Variants in CDH13 observed in about 807,000 individuals in gnomAD.
The protein encoded by CDH13 is cadherin-13.
CDH13 carries 24 observed loss-of-function variants against 63.8 expected under a neutral mutation model. The ratio of observed to expected loss-of-function variants is 0.38; its 90% CI spans 0.27 to 0.53. The LOEUF (loss-of-function observed/expected upper bound fraction) is 0.53, where lower values mean the gene tolerates loss of function less well. Among genes scored for constraint, CDH13 ranks in the 20% least tolerant of loss-of-function variants. The pLI, the probability that CDH13 is intolerant of heterozygous loss-of-function variation, is 0.85. For synonymous variants in CDH13, 503 were observed against 355.3 expected, an observed-to-expected ratio of 1.42 and a Z score of -4.67; for missense variants, 1,049 against 903.1, an observed-to-expected ratio of 1.16 and a Z score of -2.07.
At chr16:83,467,657 A>G (rs114867578) in intron 6 of CDH13, among the ~76,000 whole-genome samples, 3,843 of 152,028 alleles carry the variant, frequency 0.025, 168 homozygotes, top group African/African-American at 0.087. Flanking sequence ...TCATATTTGG[A>G]CCCAATGCTG....
intron 6 of CDH13, among the ~76,000 whole-genome samples, chr16:83,376,395 G>T (rs1033734884): frequency 6.6e-6 from 1 of 152,146 alleles, no homozygotes; most frequent in African/African-American, 2.4e-5. Flanking sequence ...TGAAAGAATG[G>T]TGGTCGCTTA....
chr16:83,208,445 A>G (rs2039243430), intron 4 of CDH13, among the ~76,000 whole-genome samples: 1 of 152,154 alleles, frequency 6.6e-6, no homozygotes, highest in African/African-American at 2.4e-5. Context: ...AATGCCTCTG[A>G]ACAGCTATAG....
At chr16:83,254,983 CTTTCTTTCTTTCTTTCTTTCTT>C (rs1337844503) in intron 5 of CDH13, among the ~76,000 whole-genome samples, 26 of 18,696 alleles carry the variant, frequency 1.4e-3, no homozygotes, top group South Asian at 0.013. Context: ...TTCTTTCTTT[CTTTCTTTCTTTCTTTCTTTCTT>C]TCTTTCTTTT....
intron 7 of CDH13, among the ~76,000 whole-genome samples, chr16:83,510,195 G>A (rs1000283622): frequency 2.6e-5 from 4 of 152,114 alleles, no homozygotes; most frequent in South Asian, 2.1e-4. Flanking sequence ...TATTATTTTC[G>A]AGTGGATAAA....
At chr16:83,336,597 C>G (rs1011112211) in intron 5 of CDH13, among the ~76,000 whole-genome samples, 4 of 152,152 alleles carry the variant, frequency 2.6e-5, no homozygotes, top group African/African-American at 7.2e-5. Flanking sequence ...ATCTGAAAAT[C>G]CTGTGCACAC....
At chr16:83,659,601 TG>T (rs1369428544) in intron 8 of CDH13, among the ~76,000 whole-genome samples, 8 of 152,236 alleles carry the variant, frequency 5.3e-5, no homozygotes, top group Admixed American at 5.2e-4. Flanking sequence ...GAACGATCTC[TG>T]AAAGCAGGAC....
At chr16:82,705,034 A>G (rs933989629) in intron 1 of CDH13, 46 of 416,606 alleles carry the variant, frequency 1.1e-4, no homozygotes, top group African/African-American at 9.4e-4. Context: ...ACGGGAAAAT[A>G]AACGGTTTCT....
intron 6 of CDH13, among the ~76,000 whole-genome samples, chr16:83,474,217 G>T (rs1598103220): frequency 6.6e-6 from 1 of 152,130 alleles, no homozygotes; most frequent in Admixed American, 6.5e-5. Context: ...TACTGCAAAG[G>T]TCTCCTCCTC....
chr16:83,677,411 G>T (rs1915047515), intron 9 of CDH13, among the ~76,000 whole-genome samples: 1 of 152,134 alleles, frequency 6.6e-6, no homozygotes, highest in African/African-American at 2.4e-5. Flanking sequence ...GACTGTCCTG[G>T]GCATGGCCTT....
intron 6 of CDH13, among the ~76,000 whole-genome samples, chr16:83,406,253 A>G (rs556163730): frequency 2.0e-5 from 3 of 152,124 alleles, no homozygotes; most frequent in Admixed American, 6.6e-5. Context: ...TTAGCCACAC[A>G]GCTGTAAGAA....
chr16:82,777,249 A>G (rs77849290), intron 1 of CDH13, among the ~76,000 whole-genome samples: 6,894 of 152,332 alleles, frequency 0.045, 216 homozygotes, highest in Non-Finnish European at 0.069. Flanking sequence ...GATTACAGGC[A>G]CGAGCCACTG....
intron 7 of CDH13, among the ~76,000 whole-genome samples, chr16:83,536,610 A>G (rs1409315369): frequency 6.6e-6 from 1 of 152,160 alleles, no homozygotes; most frequent in Non-Finnish European, 1.5e-5. Context: ...GAAATGGGAA[A>G]TCCTTAAAGT....
At chr16:82,876,934 T>C (rs1287477517) in intron 2 of CDH13, among the ~76,000 whole-genome samples, 3 of 152,202 alleles carry the variant, frequency 2.0e-5, no homozygotes, top group Non-Finnish European at 4.4e-5. Context: ...TCAAGCGTCA[T>C]TTAGGCTCCC....
chr16:83,406,899 A>G (rs1362668344), intron 6 of CDH13, among the ~76,000 whole-genome samples: 1 of 152,250 alleles, frequency 6.6e-6, no homozygotes, highest in Non-Finnish European at 1.5e-5. Flanking sequence ...TAATGTATAC[A>G]AAGTATCTTA....
intron 4 of CDH13, among the ~76,000 whole-genome samples, chr16:83,184,038 G>C (rs1235274063): frequency 1.3e-5 from 2 of 150,388 alleles, no homozygotes; most frequent in Non-Finnish European, 2.9e-5. Flanking sequence ...GGCAGACTGA[G>C]GCTCAAGAGA....
intron 4 of CDH13, among the ~76,000 whole-genome samples, chr16:83,147,470 C>G (rs1012829694): frequency 6.6e-6 from 1 of 152,290 alleles, no homozygotes; most frequent in South Asian, 2.1e-4. Flanking sequence ...TGTGTGACCT[C>G]AAGTCATTTC....
chr16:82,629,447 G>T (rs77152070), intron 1 of CDH13, among the ~76,000 whole-genome samples: 1 of 152,150 alleles, frequency 6.6e-6, no homozygotes, highest in Non-Finnish European at 1.5e-5. Flanking sequence ...AGAAGTTCAC[G>T]TGCAGAACTC....
intron 8 of CDH13, among the ~76,000 whole-genome samples, chr16:83,645,515 C>T (rs928501044): frequency 6.9e-6 from 1 of 145,490 alleles, no homozygotes; most frequent in African/African-American, 2.6e-5. Flanking sequence ...ACAATATACC[C>T]ATATAACAAA....
In CDH13 at chr16:83,286,190, G is replaced by A. The variant is rs544426921; in HGVS notation, c.637-58672G>A. On this transcript the variant is annotated intron_variant, in intron 5 of 13. Coordinates refer to ENST00000567109, the MANE Select transcript of CDH13 (RefSeq NM_001257.5). ...TTACCCAAACACCTCAAGGAGTTTC[G>A]CCTCTAGGACCTGGGTGGACCTTCA... is the stretch of plus-strand genomic sequence containing the variant. Among the ~76,000 whole-genome samples the A allele has an allele frequency of 2.3e-3, 352 of 152,270 alleles. 2 individuals carry two copies. The highest frequency in any genetic ancestry group is 3.8e-3 in the African/African-American group (159 of 41,554).
Sources: gnomAD v4.1 joint callset for allele counts (sites outside exome capture counted in the v4.1 genomes callset) on GRCh38, gnomAD v4.1.1 for gene constraint, MANE v1.5 for transcripts, NCBI Gene and HGNC (gene_info 2026-07-23, HGNC 2026-07-21) for gene names.